The following BEND6 variants were observed in gnomAD, a reference collection of about 807,000 sequenced individuals.
BEND6 encodes BEN domain containing 6, also known as BEN domain-containing protein 6.
Under a neutral mutation model 31.8 loss-of-function variants are expected in BEND6, and 24 were observed. The ratio of observed to expected loss-of-function variants is 0.75; its 90% CI spans 0.55 to 1.06. The LOEUF is 1.06. BEND6 is among the 50% of genes least tolerant of loss of function. The pLI, the probability that BEND6 is intolerant of heterozygous loss-of-function variation, is 0.00. For synonymous variants in BEND6, 109 were observed against 114.6 expected (o/e 0.95, Z 0.31); for missense variants, 294 against 327.4 (o/e 0.90, Z 0.79).
Position 57,024,672 on chromosome 6 carries a change from A to T in BEND6, c.*10-1410A>T, listed in dbSNP as rs111549530. ...TCCCTGATGTTTGAGAATTTGTTACATGCTTTTGGGTAGTCTTATTTGAGT... is the reference window on the plus strand; with the variant it reads ...TCCCTGATGTTTGAGAATTTGTTACTTGCTTTTGGGTAGTCTTATTTGAGT... On this transcript the variant is annotated intron_variant, in intron 6 of 6. Transcript: ENST00000370746. Among the ~76,000 whole-genome samples, 132 of 152,000 alleles carry T rather than the reference A, an allele frequency of 8.7e-4. 1 individual carries two copies. Among genetic ancestry groups the T allele is most frequent in the Non-Finnish European group, 4.4e-4 (30 of 67,986 alleles).
chr6:57,018,069 A>T (rs181314103), intron 5 of BEND6, among the ~76,000 whole-genome samples: 3 of 151,450 alleles, frequency 2.0e-5, no homozygotes, highest in Middle Eastern at 3.4e-3. Context: ...AGACAGATAC[A>T]GAAAAAGATC....
At chr6:56,992,045 G>C (rs570504618) in intron 2 of BEND6, among the ~76,000 whole-genome samples, 13 of 152,254 alleles carry the variant, frequency 8.5e-5, no homozygotes, top group African/African-American at 2.9e-4. Context: ...GCTCAAATCC[G>C]GGCTGTATAT....
chr6:56,978,796 C>A (rs1825974501), intron 1 of BEND6, among the ~76,000 whole-genome samples: 1 of 152,160 alleles, frequency 6.6e-6, no homozygotes. Flanking sequence ...ACTGTTGTTC[C>A]ATATGCCTAT....
At chr6:56,977,181 T>A (rs1825906403) in intron 1 of BEND6, among the ~76,000 whole-genome samples, 1 of 152,222 alleles carries the variant, frequency 6.6e-6, no homozygotes, top group African/African-American at 2.4e-5. Context: ...ACTATTAGCC[T>A]TTCAGCAAAG....
At chr6:56,989,333 A>G (rs1404469343) in intron 2 of BEND6, among the ~76,000 whole-genome samples, 1 of 152,132 alleles carries the variant, frequency 6.6e-6, no homozygotes, top group Non-Finnish European at 1.5e-5. Flanking sequence ...ATAATATCCC[A>G]ACTTGTAACT....
At chr6:56,982,422 C>G (rs1826103793) in intron 2 of BEND6, among the ~76,000 whole-genome samples, 1 of 152,140 alleles carries the variant, frequency 6.6e-6, no homozygotes, top group African/African-American at 2.4e-5. Flanking sequence ...TTTTAGACCC[C>G]AGTTTGTGGC....
chr6:56,985,670 A>G (rs1468119257), intron 2 of BEND6, among the ~76,000 whole-genome samples: 2 of 152,184 alleles, frequency 1.3e-5, no homozygotes, highest in Admixed American at 6.5e-5. Flanking sequence ...GCTGACAACT[A>G]TGAGCCCAGC....
chr6:56,986,646 T>C lies in BEND6; in HGVS notation c.120+4716T>C, dbSNP rs78089754. Among the ~76,000 whole-genome samples the C allele has an allele frequency of 2.0e-5, 3 of 152,202 alleles. No homozygotes were observed. The South Asian group carries it at 6.2e-4, about 32-fold the overall frequency. ...ACAGTCTTTTTGAGTTATTATTATT[T>C]AAGTCACTTCAGGATTTAAGCCTCA... On this transcript the variant is annotated intron_variant, in intron 2 of 6. Coordinates refer to ENST00000370746, the MANE Select transcript of BEND6 (RefSeq NM_152731.3).
chr6:56,983,753 G>GT (rs1428398718), intron 2 of BEND6, among the ~76,000 whole-genome samples: 1 of 152,038 alleles, frequency 6.6e-6, no homozygotes, highest in Non-Finnish European at 1.5e-5. Flanking sequence ...AATTAGCACT[G>GT]TTTTTAATAC....
chr6:57,026,082 G>A lies in BEND6; in HGVS notation c.*10G>A, dbSNP rs996799506. 6.6e-6 allele frequency: 1 copy of A among 152,094 alleles called. No homozygotes were observed. The highest frequency in any genetic ancestry group is 1.5e-5 in the Non-Finnish European group (1 of 68,022). The allele number at this position is 152,094 out of a possible 1,614,324, so 9.4% of individuals were successfully genotyped here. On this transcript the variant is annotated splice_region_variant and 3_prime_UTR_variant, in exon 7 of 7. Transcript: ENST00000370746. Reference sequence around the variant, plus strand: ...TTTCTTTGAAATTTGCTTTTTGTAGGTATTACAGGTATCTGAAACAAAGCA... The same window carrying A: ...TTTCTTTGAAATTTGCTTTTTGTAGATATTACAGGTATCTGAAACAAAGCA...
chr6:56,988,726 T>C (rs1184234821), intron 2 of BEND6, among the ~76,000 whole-genome samples: 5 of 152,086 alleles, frequency 3.3e-5, no homozygotes, highest in Non-Finnish European at 5.9e-5. Flanking sequence ...TTTAATTTAC[T>C]TGTGTTTTAA....
At chr6:56,958,399 C>T (rs188071644) in intron 1 of BEND6, among the ~76,000 whole-genome samples, 1 of 152,266 alleles carries the variant, frequency 6.6e-6, no homozygotes, top group East Asian at 1.9e-4. Context: ...AGAAAAGTTT[C>T]CACCCTAAGC....
chr6:57,002,699 G>T (rs1401318874), intron 3 of BEND6, among the ~76,000 whole-genome samples: 1 of 151,932 alleles, frequency 6.6e-6, no homozygotes, highest in African/African-American at 2.4e-5. Context: ...AAATTTCTGG[G>T]ATACAGCAAA....
At chr6:56,958,387 G>A (rs1483864708) in intron 1 of BEND6, among the ~76,000 whole-genome samples, 1 of 152,168 alleles carries the variant, frequency 6.6e-6, no homozygotes, top group African/African-American at 2.4e-5. Context: ...ACATCAGAAA[G>A]AAGAAAAGTT....
chr6:56,965,518 G>T (rs978983144), intron 1 of BEND6, among the ~76,000 whole-genome samples: 2 of 151,790 alleles, frequency 1.3e-5, no homozygotes, highest in African/African-American at 4.8e-5. Flanking sequence ...ATATGTTGAT[G>T]TTGTTAGGAG....
chr6:56,986,793 C>T (rs1396470372), intron 2 of BEND6, among the ~76,000 whole-genome samples: 1 of 152,048 alleles, frequency 6.6e-6, no homozygotes, highest in Non-Finnish European at 1.5e-5. Context: ...TTTTAACTTC[C>T]CTGCCTTGTT....
chr6:57,018,233 T>G (rs35744682), intron 5 of BEND6, among the ~76,000 whole-genome samples, 188 bp from the exon 6 acceptor site: 1,533 of 152,330 alleles, frequency 0.01, 13 homozygotes, highest in Non-Finnish European at 0.017. Flanking sequence ...CCTTCTGATA[T>G]CTCTTGCTTT....
chr6:57,006,832 A>G (rs1827176805), intron 3 of BEND6, among the ~76,000 whole-genome samples: 1 of 152,248 alleles, frequency 6.6e-6, no homozygotes, highest in Non-Finnish European at 1.5e-5. Context: ...CAAATATACT[A>G]CCAAGCTGTA....
intron 1 of BEND6, among the ~76,000 whole-genome samples, 195 bp downstream of exon 1, chr6:56,955,655 G>A (rs1824754951): frequency 6.6e-6 from 1 of 152,192 alleles, no homozygotes; most frequent in South Asian, 2.1e-4. Flanking sequence ...TGCTTATCTC[G>A]CAGCTAAGAA....
Sources: gnomAD v4.1 joint callset for allele counts (sites outside exome capture counted in the v4.1 genomes callset) on GRCh38, gnomAD v4.1.1 for gene constraint, MANE v1.5 for transcripts, NCBI Gene and HGNC (gene_info 2026-07-23, HGNC 2026-07-21) for gene names.